Variants in CSMD1 observed in about 807,000 individuals in gnomAD.
The protein encoded by CSMD1 is CUB and Sushi multiple domains 1, also known as CUB and sushi domain-containing protein 1.
A neutral mutation model predicts 417.5 loss-of-function variants in CSMD1; 213 were observed. That is an observed-to-expected ratio of 0.51 (90% CI 0.46 to 0.57). CSMD1 has a LOEUF of 0.57. Ranked by LOEUF, CSMD1 falls within the 20% of genes least tolerant of loss-of-function variation. The pLI is 0.00. For synonymous variants in CSMD1, 2,862 were observed against 1,736.8 expected (o/e 1.65, Z -16.11); for missense variants, 6,923 against 4,529.7 (o/e 1.53, Z -15.17).
chr8:4,095,356 G>A (rs920909443), intron 3 of CSMD1, among the ~76,000 whole-genome samples: 10 of 152,010 alleles, frequency 6.6e-5, no homozygotes, highest in African/African-American at 2.2e-4. Flanking sequence ...TTGCCTGGTT[G>A]TATGTGGCTG....
At chr8:4,828,578 G>T (rs574142997) in intron 1 of CSMD1, among the ~76,000 whole-genome samples, 1 of 152,072 alleles carries the variant, frequency 6.6e-6, no homozygotes, top group East Asian at 1.9e-4. Flanking sequence ...CCAGACTGTT[G>T]TGCCTACCAC....
At chr8:4,770,490 A>T (rs55936283) in intron 1 of CSMD1, among the ~76,000 whole-genome samples, 55,075 of 151,022 alleles carry the variant, frequency 0.36, 10,845 homozygotes, top group East Asian at 0.55. Context: ...GAACCCTAAA[A>T]GACCTCAAAT....
chr8:4,450,441 C>T (rs780963249), intron 2 of CSMD1, among the ~76,000 whole-genome samples: 2 of 152,098 alleles, frequency 1.3e-5, no homozygotes, highest in Non-Finnish European at 2.9e-5. Flanking sequence ...TCTTGGCCAA[C>T]AGGGTGAAAC....
At chr8:3,310,333 G>A (rs928374151) in intron 23 of CSMD1, among the ~76,000 whole-genome samples, 3 of 152,092 alleles carry the variant, frequency 2.0e-5, no homozygotes, top group Non-Finnish European at 4.4e-5. Flanking sequence ...TGTTATTGTT[G>A]TAGTGTTACT....
At chr8:4,240,042 G>C (rs936293159) in intron 3 of CSMD1, among the ~76,000 whole-genome samples, 5 of 152,152 alleles carry the variant, frequency 3.3e-5, no homozygotes, top group Admixed American at 2.0e-4. Context: ...TTCTTGACAA[G>C]AAAATCATGC....
chr8:3,344,275 T>C (rs1012437132), intron 22 of CSMD1, among the ~76,000 whole-genome samples: 1 of 152,126 alleles, frequency 6.6e-6, no homozygotes, highest in Non-Finnish European at 1.5e-5. Context: ...ATGCACTTTC[T>C]GCCAATGCCA....
At chr8:3,574,383 G>A (rs1425570952) in intron 10 of CSMD1, among the ~76,000 whole-genome samples, 1 of 152,140 alleles carries the variant, frequency 6.6e-6, no homozygotes, top group Non-Finnish European at 1.5e-5. Flanking sequence ...TGGGATGACA[G>A]GTGCCTGCCA....
chr8:3,733,203 A>ACT (rs1458459458), intron 6 of CSMD1, among the ~76,000 whole-genome samples: 1 of 114,414 alleles, frequency 8.7e-6, no homozygotes, highest in African/African-American at 4.6e-5. Context: ...ACACACACAC[A>ACT]CACTCTCTCT....
chr8:4,603,213 A>C (rs189433906), intron 2 of CSMD1, among the ~76,000 whole-genome samples: 32 of 152,230 alleles, frequency 2.1e-4, no homozygotes, highest in Admixed American at 3.3e-4. Context: ...ACACCAAAGC[A>C]ATAGAAGAAA....
In CSMD1 at chr8:3,915,754, C is replaced by T. The variant is rs114523835; in HGVS notation, c.818+82149G>A. ...TAGCAGCTCAAATTATGAACTCTCTCGCTTTCCATTGCATCTGTTCCTAAA... is the reference window on the plus strand; with the variant it reads ...TAGCAGCTCAAATTATGAACTCTCTTGCTTTCCATTGCATCTGTTCCTAAA... On this transcript the variant is annotated intron_variant, in intron 5 of 69. Transcript: ENST00000635120. Among the ~76,000 whole-genome samples the T allele has an allele frequency of 1.1e-3, 162 of 149,866 alleles. 1 individual carries two copies. The highest frequency in any genetic ancestry group is 5.0e-3 in the South Asian group (23 of 4,622).
rs1374507686 is a variant in CSMD1, at chr8:3,423,489, T to A, written c.1562-13884A>T. 2.6e-5 allele frequency among the ~76,000 whole-genome samples: 4 copies of A among 152,260 alleles called. No individual in the cohort carries two copies. In the South Asian group the frequency reaches 8.3e-4, roughly 31 times the overall value. On this transcript the variant is annotated intron_variant, in intron 12 of 69. Coordinates refer to ENST00000635120, the MANE Select transcript of CSMD1 (RefSeq NM_033225.6). Reference sequence around the variant, plus strand: ...GTAATGATTCTGAGATTCATCCATTTGGTTCCCTGTATCAGTAGTTATGAA... The same window carrying A: ...GTAATGATTCTGAGATTCATCCATTAGGTTCCCTGTATCAGTAGTTATGAA...
rs569970930 is a variant in CSMD1, at chr8:4,465,087, C to T, written c.303-45022G>A. 3.3e-5 allele frequency among the ~76,000 whole-genome samples: 5 copies of T among 152,196 alleles called. No homozygotes were observed. In the South Asian group the frequency reaches 8.3e-4, roughly 25 times the overall value. On this transcript the variant is annotated intron_variant, in intron 2 of 69. Transcript: ENST00000635120. Reference sequence around the variant, plus strand: ...CAGACTCAGTTTACCTGAAACGGAACGGTTTTCACTGGGAGACACTAACAG... The same window carrying T: ...CAGACTCAGTTTACCTGAAACGGAATGGTTTTCACTGGGAGACACTAACAG...
At chr8:4,612,834 G>A (rs1381911044) in intron 2 of CSMD1, among the ~76,000 whole-genome samples, 1 of 152,160 alleles carries the variant, frequency 6.6e-6, no homozygotes, top group Admixed American at 6.5e-5. Context: ...ATTTAAGAGA[G>A]GCTAAACAAG....
At position 4,994,481 on chromosome 8, in the gene CSMD1, G is replaced by T; in HGVS notation, c.-65C>A. The T allele has an allele frequency of 1.4e-6, 2 of 1,450,982 alleles. No individual in the cohort carries two copies. Among genetic ancestry groups the T allele is most frequent in the South Asian group, 1.2e-5 (1 of 85,916 alleles). The allele number at this position is 1,450,982 out of a possible 1,614,324, so 89.9% of individuals were successfully genotyped here. On this transcript the variant is annotated 5_prime_UTR_variant, in exon 1 of 70. Transcript: ENST00000635120. Reference sequence around the variant, plus strand: ...CTCCGAGGAAGGCAGGGCTATGAGCGGAGCCAAATAATCACCCGAGGGCAA... The same window carrying T: ...CTCCGAGGAAGGCAGGGCTATGAGCTGAGCCAAATAATCACCCGAGGGCAA...
rs551983587 is a variant in CSMD1 at position 3,249,780 on chromosome 8, C to T, written c.4154-19549G>A. ...GTTTTTTTTAAATCTAATCAATTTC[C>T]ATGTCTAAACTTCATTAGGGAAAAC... is the stretch of plus-strand genomic sequence containing the variant. On this transcript the variant is annotated intron_variant, in intron 26 of 69. Transcript: ENST00000635120. 2.0e-5 allele frequency among the ~76,000 whole-genome samples: 3 copies of T among 152,054 alleles called. No individual in the cohort carries two copies. The South Asian group carries it at 6.2e-4, about 32-fold the overall frequency.
At chr8:4,036,946 G>C (rs376497883) in intron 3 of CSMD1, among the ~76,000 whole-genome samples, 5 of 142,828 alleles carry the variant, frequency 3.5e-5, no homozygotes, top group African/African-American at 1.1e-4. Flanking sequence ...CCTAGTATGG[G>C]TGAGTGTGGG....
At chr8:4,447,440 G>A (rs915206765) in intron 2 of CSMD1, among the ~76,000 whole-genome samples, 1 of 152,208 alleles carries the variant, frequency 6.6e-6, no homozygotes, top group Non-Finnish European at 1.5e-5. Context: ...GGACCCAGAG[G>A]AAGGAGTAGA....
intron 3 of CSMD1, among the ~76,000 whole-genome samples, chr8:4,070,423 T>A (rs1039057456): frequency 6.6e-6 from 1 of 151,986 alleles, no homozygotes; most frequent in Non-Finnish European, 1.5e-5. Context: ...AGTGGTGGGA[T>A]CTCGGCTCAC....
At chr8:4,555,419 G>T (rs1798046975) in intron 2 of CSMD1, among the ~76,000 whole-genome samples, 1 of 152,142 alleles carries the variant, frequency 6.6e-6, no homozygotes. Context: ...GGTGCATGGA[G>T]ACCAGATTTG....
Sources: gnomAD v4.1 joint callset for allele counts (sites outside exome capture counted in the v4.1 genomes callset) on GRCh38, gnomAD v4.1.1 for gene constraint, MANE v1.5 for transcripts, NCBI Gene and HGNC (gene_info 2026-07-23, HGNC 2026-07-21) for gene names.